Variants in USP1 observed in about 807,000 individuals in gnomAD.
USP1 encodes the protein ubiquitin specific peptidase 1.
A neutral mutation model predicts 72.2 loss-of-function variants in USP1; 18 were observed. The observed-to-expected ratio is 0.25, with a 90% confidence interval of 0.17 to 0.37. USP1 has a LOEUF of 0.37. Among genes scored for constraint, USP1 ranks in the 10% least tolerant of loss-of-function variants. The pLI is 1.00. For synonymous variants in USP1, 354 were observed against 303.7 expected (o/e 1.17, Z -1.72); for missense variants, 759 against 884.9 (o/e 0.86, Z 1.81).
intron 4 of USP1, among the ~76,000 whole-genome samples, chr1:62,442,579 C>T (rs1340525224): frequency 6.6e-6 from 1 of 152,128 alleles, no homozygotes; most frequent in Non-Finnish European, 1.5e-5. Flanking sequence ...CCATGTACAA[C>T]TTATTTACCC....
rs765452651 is a variant in USP1 at position 62,443,178 on chromosome 1, C to A, written c.416C>A (p.Ser139Tyr). The change falls in exon 5 of 9, where the codon TCT becomes TAT. Residue 139 changes from serine (S) to tyrosine (Y), a missense_variant. Coordinates refer to ENST00000339950, the MANE Select transcript of USP1 (RefSeq NM_003368.5). ...QKDKGNCKED[S>Y]LASYELICSL... ...TGACAGGGAAATTGCAAAGAAGATT[C>A]TTTGGCAAGTTATGAATTGATATGC... The A allele has an allele frequency of 1.9e-6, 3 of 1,609,048 alleles. No homozygotes were observed. In the Admixed American group the frequency reaches 5.1e-5, roughly 27 times the overall value.
chr1:62,439,934 C>T lies in USP1; in HGVS notation c.67C>T (p.Leu23Phe). ...SRGSPSKKNR[L>F]SLKFFQKKET... ...AGGTAGCCCTTCAAAGAAAAACAGA[C>T]TTTCCTTAAAGTTTTTTCAGAAAAA... Residue 23 changes from leucine (L) to phenylalanine (F), a missense_variant, in exon 2 of 9, where the codon CTT becomes TTT. By Grantham distance (22) the Leu-to-Phe change is conservative (BLOSUM62 0). Around this residue, in one of 9 missense-constraint regions of USP1, gnomAD observed 86 missense variants for 82.0 expected, o/e 1.05. Coordinates refer to ENST00000339950, the MANE Select transcript of USP1 (RefSeq NM_003368.5). The T allele has an allele frequency of 6.4e-7, 1 of 1,567,984 alleles. No homozygotes were observed. Among genetic ancestry groups the T allele is most frequent in the Non-Finnish European group, 8.6e-7 (1 of 1,161,998 alleles).
chr1:62,437,617 C>A (rs1414574141), intron 1 of USP1, among the ~76,000 whole-genome samples: 1 of 151,658 alleles, frequency 6.6e-6, no homozygotes, highest in African/African-American at 2.4e-5. Context: ...AGGCCAACTC[C>A]GCGGCGAGGG....
chr1:62,447,567 C>G (rs939209167), intron 7 of USP1, 56 bp downstream of exon 7: 1 of 1,547,894 alleles, frequency 6.5e-7, no homozygotes, highest in African/African-American at 1.4e-5. Flanking sequence ...AATTCTTTAA[C>G]AACACAAAGT....
chr1:62,442,429 C>A, intron 4 of USP1, 130 bp downstream of exon 4: 1 of 634,722 alleles, frequency 1.6e-6, no homozygotes, highest in Non-Finnish European at 2.6e-6. Context: ...GAGCTATTGT[C>A]AGGCAATTAT....
chr1:62,447,932 G>A (rs561671369), intron 7 of USP1, among the ~76,000 whole-genome samples: 182 of 152,166 alleles, frequency 1.2e-3, no homozygotes, highest in African/African-American at 4.0e-3. Context: ...GACTGCAGGT[G>A]CCCACCACCA....
In USP1 at chr1:62,448,567, A is replaced by T; in HGVS notation, c.1523A>T (p.Asn508Ile). Residue 508 changes from asparagine (N) to isoleucine (I), a missense_variant, in exon 8 of 9, where the codon AAC (asparagine) becomes ATC (isoleucine). Asn to Ile is a moderately radical substitution (Grantham distance 149, BLOSUM62 -3). Transcript: ENST00000339950. Reference sequence around the variant, plus strand: ...GGAGAAGATAAATATTTCTGTGAAAACTGCCATCATTATACTGAAGCTGAA... The same window carrying T: ...GGAGAAGATAAATATTTCTGTGAAATCTGCCATCATTATACTGAAGCTGAA... ...IVGEDKYFCE[N>I]CHHYTEAERS... 1.2e-6 allele frequency: 2 copies of T among 1,613,964 alleles called. No individual in the cohort carries two copies. Among genetic ancestry groups the T allele is most frequent in the Non-Finnish European group, 1.7e-6 (2 of 1,179,942 alleles).
At chr1:62,441,463 T>C (rs767465591) in intron 2 of USP1, 25 bp from the exon 3 acceptor site, 27 of 1,568,670 alleles carry the variant, frequency 1.7e-5, no homozygotes, top group East Asian at 2.3e-5. Context: ...TAACTACTTA[T>C]CGTTCTCCCT....
chr1:62,445,038 A>T lies in USP1; in HGVS notation c.858A>T (p.Leu286Phe), dbSNP rs772444804. Residue 286 changes from leucine to phenylalanine, a missense_variant, in exon 6 of 9, where the codon TTA becomes TTT. This residue lies in a region of USP1 where 245 missense variants were observed against 240.7 expected (regional missense o/e 1.02). Transcript: ENST00000339950. ...GTAACATGAAGAAAAAAGTTAAATT[A>T]TCCAAGGAACACCAGTCATTGGAAG... ...EFGNMKKKVK[L>F]SKEHQSLEEN... 6.2e-7 allele frequency: 1 copy of T among 1,613,214 alleles called. No individual in the cohort carries two copies. Among genetic ancestry groups the T allele is most frequent in the South Asian group, 1.1e-5 (1 of 90,926 alleles).
chr1:62,445,962 A>G (rs1377314653), intron 6 of USP1, among the ~76,000 whole-genome samples: 2 of 152,180 alleles, frequency 1.3e-5, no homozygotes, highest in African/African-American at 2.4e-5. Flanking sequence ...CTGGGGCGAC[A>G]GAGCAAGACT....
chr1:62,436,945 GTC>G (rs1645091989), upstream of USP1: 1 of 395,164 alleles, frequency 2.5e-6, no homozygotes. Context: ...TGCCTTTCGT[GTC>G]TCTGCAGCGT....
intron 4 of USP1, among the ~76,000 whole-genome samples, chr1:62,442,624 A>G (rs188772235): frequency 2.0e-5 from 3 of 152,234 alleles, no homozygotes; most frequent in Non-Finnish European, 4.4e-5. Context: ...ATTTAAATAC[A>G]GTGTATTTAA....
Position 62,441,578 on chromosome 1 carries a change from C to T in USP1, c.261C>T (p.Gly87=). The change falls in exon 3 of 9, where the codon GGC becomes GGT. Residue 87 remains glycine (G), a synonymous_variant. Transcript: ENST00000339950. ...LLPFVGLNNL[G]NTCYLNSILQ... The stretch of plus-strand genomic sequence containing the variant: ...CATTTGTGGGACTGAATAATCTCGG[C>T]AATACTTGCTATCTTAATAGTATAC... 1 of 1,613,098 alleles carries T rather than the reference C, an allele frequency of 6.2e-7. No individual in the cohort carries two copies. The highest frequency in any genetic ancestry group is 8.5e-7 in the Non-Finnish European group (1 of 1,179,644).
chr1:62,438,012 A>G (rs1645103987), intron 1 of USP1, among the ~76,000 whole-genome samples: 1 of 152,072 alleles, frequency 6.6e-6, no homozygotes, highest in African/African-American at 2.4e-5. Context: ...TGATTTAGTT[A>G]CAGGAGAAAT....
At chr1:62,439,765 C>G in intron 1 of USP1, 34 bp from the exon 2 acceptor site, 1 of 1,110,774 alleles carries the variant, frequency 9.0e-7, no homozygotes, top group Non-Finnish European at 1.2e-6. Context: ...AACTGATAAC[C>G]AAAAACTAAT....
At chr1:62,438,995 T>C (rs1407128935) in intron 1 of USP1, among the ~76,000 whole-genome samples, 1 of 152,190 alleles carries the variant, frequency 6.6e-6, no homozygotes, top group African/African-American at 2.4e-5. Flanking sequence ...ATGCAAATTA[T>C]TCTTTAATAA....
At chr1:62,439,592 T>C (rs1413157641) in intron 1 of USP1, among the ~76,000 whole-genome samples, 1 of 152,252 alleles carries the variant, frequency 6.6e-6, no homozygotes, top group Non-Finnish European at 1.5e-5. Flanking sequence ...AAAAATTCAG[T>C]AGCTTCTGTT....
At chr1:62,439,266 C>A (rs1645115464) in intron 1 of USP1, among the ~76,000 whole-genome samples, 2 of 152,112 alleles carry the variant, frequency 1.3e-5, no homozygotes, top group Admixed American at 1.3e-4. Context: ...CTCACTGCAG[C>A]CTCCGCCTCC....
chr1:62,447,405 G>T lies in USP1; in HGVS notation c.1314G>T (p.Thr438=). 2.5e-6 allele frequency: 4 copies of T among 1,614,118 alleles called. No homozygotes were observed. The highest frequency in any genetic ancestry group is 2.5e-6 in the Non-Finnish European group (3 of 1,180,004). Residue 438 remains threonine, a synonymous_variant, in exon 7 of 9, where the codon ACG becomes ACT. Transcript: ENST00000339950. ...TTCAAGGTCAGCTGGTATTAAGGACGCGTTGCTTGGAATGTGAAAGTTTAA... is the reference window on the plus strand; with the variant it reads ...TTCAAGGTCAGCTGGTATTAAGGACTCGTTGCTTGGAATGTGAAAGTTTAA... ...KLFQGQLVLR[T]RCLECESLTE...
Sources: gnomAD v4.1 joint callset for allele counts (sites outside exome capture counted in the v4.1 genomes callset) on GRCh38, gnomAD v4.1.1 for gene constraint, gnomAD v4.1.1 regional missense constraint, MANE v1.5 for transcripts, NCBI Gene and HGNC (gene_info 2026-07-23, HGNC 2026-07-21) for gene names.